SPOPL: variants seen among roughly 807,000 people sequenced by gnomAD.
SPOPL encodes speckle type BTB/POZ protein like.
A neutral mutation model predicts 53.8 loss-of-function variants in SPOPL; 23 were observed. The ratio of observed to expected loss-of-function variants is 0.43; its 90% CI spans 0.31 to 0.61. The LOEUF is 0.61. SPOPL is among the 20% of genes least tolerant of loss of function. The probability of loss-of-function intolerance (pLI) is 0.12; values close to 1 mark genes in which losing one functional copy is unlikely to be tolerated. For synonymous variants in SPOPL, 164 were observed against 149.7 expected, an observed-to-expected ratio of 1.10 and a Z score of -0.70; for missense variants, 442 against 466.9, an observed-to-expected ratio of 0.95 and a Z score of 0.49.
intron 1 of SPOPL, among the ~76,000 whole-genome samples, chr2:138,536,924 A>T (rs1015213743): frequency 1.3e-5 from 2 of 152,194 alleles, no homozygotes; most frequent in Non-Finnish European, 2.9e-5. Context: ...CTACTGTAGG[A>T]GCTGTGCTGG....
At chr2:138,565,038 G>A in intron 10 of SPOPL, 45 bp downstream of exon 10, 2 of 1,605,754 alleles carry the variant, frequency 1.2e-6, no homozygotes, top group South Asian at 2.2e-5. Flanking sequence ...CTACATAAGT[G>A]AGATTAAGTG....
chr2:138,517,817 C>T (rs1271395243), intron 1 of SPOPL, among the ~76,000 whole-genome samples: 8 of 151,426 alleles, frequency 5.3e-5, no homozygotes, highest in Admixed American at 3.3e-4. Flanking sequence ...GAGGCCGAGG[C>T]GGGCGGATCA....
In SPOPL at chr2:138,559,186, A is replaced by G. The variant is rs761537539; in HGVS notation, c.645A>G (p.Lys215=). ...GAGGACAAGAATTTAAAGCTCATAA[A>G]TCTGTGCTTGCAGGTACTTTCTAGT... is the stretch of plus-strand genomic sequence containing the variant. ...FVRGQEFKAH[K]SVLAARSPVF... Residue 215 remains lysine, a synonymous_variant, in exon 6 of 11, where the codon AAA becomes AAG. Transcript: ENST00000280098. 3.7e-6 allele frequency: 6 copies of G among 1,613,420 alleles called. No homozygotes were observed. Among genetic ancestry groups the G allele is most frequent in the Non-Finnish European group, 2.5e-6 (3 of 1,179,734 alleles).
At position 138,550,565 on chromosome 2, in the gene SPOPL, G is replaced by C; in HGVS notation, c.161G>C (p.Ser54Thr). The change falls in exon 3 of 11, where the codon AGT becomes ACT. Residue 54 changes from serine to threonine, a missense_variant. By Grantham distance (58) the Ser-to-Thr change is moderately conservative. Transcript: ENST00000280098. ...GAGGAAATGGGTGAAGTGTTAAAAA[G>C]TTCAACATTTTCATCTGGCCCAAGT... ...CREEMGEVLK[S>T]STFSSGPSDK... is the part of the protein sequence containing the mutation. The C allele has an allele frequency of 1.2e-6, 2 of 1,610,506 alleles. No homozygotes were observed. The highest frequency in any genetic ancestry group is 1.7e-6 in the Non-Finnish European group (2 of 1,177,364).
At chr2:138,537,764 A>G (rs1186602694) in intron 1 of SPOPL, among the ~76,000 whole-genome samples, 1 of 152,092 alleles carries the variant, frequency 6.6e-6, no homozygotes, top group African/African-American at 2.4e-5. Flanking sequence ...TCCTGGTTCA[A>G]AGACCACAGA....
intron 8 of SPOPL, among the ~76,000 whole-genome samples, chr2:138,561,538 T>C (rs1685549520): frequency 6.6e-6 from 1 of 152,184 alleles, no homozygotes; most frequent in Non-Finnish European, 1.5e-5. Context: ...TATGTGTCGA[T>C]GGATGGTATG....
In SPOPL at chr2:138,570,180, A is replaced by G. The variant is rs1685750757; in HGVS notation, c.*1100A>G. On this transcript the variant is annotated 3_prime_UTR_variant, in exon 11 of 11. Transcript: ENST00000280098. ...CACCTGAACAATAAATGAATCCTGG[A>G]TAGTCTACTCTCCTTCAAACAATTA... 10 of 152,132 alleles carry G rather than the reference A, an allele frequency of 6.6e-5. No homozygotes were observed. Among genetic ancestry groups the G allele is most frequent in the Admixed American group, 5.9e-4 (9 of 15,260 alleles). The allele number at this position is 152,132 out of a possible 1,614,324, so 9.4% of individuals were successfully genotyped here.
intron 1 of SPOPL, among the ~76,000 whole-genome samples, chr2:138,513,128 C>G (rs1327301833): frequency 1.3e-5 from 2 of 152,200 alleles, no homozygotes; most frequent in African/African-American, 4.8e-5. Flanking sequence ...TTTTCTCTTA[C>G]AAATGTTTTG....
At chr2:138,543,056 T>C (rs547802672) in intron 1 of SPOPL, among the ~76,000 whole-genome samples, 1 of 152,356 alleles carries the variant, frequency 6.6e-6, no homozygotes, top group Non-Finnish European at 1.5e-5. Flanking sequence ...TAATGTTGAA[T>C]ATTGGCCCCC....
intron 1 of SPOPL, among the ~76,000 whole-genome samples, chr2:138,521,051 A>G (rs992252526): frequency 2.0e-5 from 3 of 152,236 alleles, no homozygotes; most frequent in Admixed American, 1.3e-4. Flanking sequence ...ATTGTAAAAA[A>G]TGGTTTCCAG....
At chr2:138,510,678 TC>T (rs1245803851) in intron 1 of SPOPL, among the ~76,000 whole-genome samples, 4 of 152,198 alleles carry the variant, frequency 2.6e-5, no homozygotes, top group Non-Finnish European at 5.9e-5. Flanking sequence ...CCTGATAACT[TC>T]CTTCACATTA....
At chr2:138,509,814 TGTATA>T (rs958707187) in intron 1 of SPOPL, among the ~76,000 whole-genome samples, 4 of 152,318 alleles carry the variant, frequency 2.6e-5, no homozygotes, top group African/African-American at 9.6e-5. Flanking sequence ...TGGTTGGTAT[TGTATA>T]GTATATTCTA....
intron 1 of SPOPL, among the ~76,000 whole-genome samples, chr2:138,525,669 A>AC (rs1553468806): frequency 2.0e-5 from 3 of 147,336 alleles, no homozygotes; most frequent in Admixed American, 6.8e-5. Flanking sequence ...AAAAAAAAAA[A>AC]AAAAATACAC....
intron 1 of SPOPL, among the ~76,000 whole-genome samples, chr2:138,505,534 A>C (rs535631039): frequency 1.8e-4 from 26 of 146,094 alleles, no homozygotes; most frequent in African/African-American, 5.9e-4. Context: ...AGGTGGGCTT[A>C]TCACTTAAGG....
In SPOPL at chr2:138,521,274, A is replaced by G. The variant is rs570179119; in HGVS notation, c.-61+19155A>G. Among the ~76,000 whole-genome samples, 57 of 152,270 alleles carry G rather than the reference A, an allele frequency of 3.7e-4. 1 individual carries two copies. Among genetic ancestry groups the G allele is most frequent in the South Asian group, 3.7e-3 (18 of 4,828 alleles). Reference sequence around the variant, plus strand: ...CTTGCCTCCAGTTCTGTCTATAGCCAGAAGCTCAGTGATGTGCCAAAGAAT... The same window carrying G: ...CTTGCCTCCAGTTCTGTCTATAGCCGGAAGCTCAGTGATGTGCCAAAGAAT... On this transcript the variant is annotated intron_variant, in intron 1 of 10. Transcript: ENST00000280098.
chr2:138,544,204 T>C (rs1685138481), intron 1 of SPOPL, among the ~76,000 whole-genome samples: 2 of 152,336 alleles, frequency 1.3e-5, no homozygotes, highest in East Asian at 3.9e-4. Context: ...GGTGGCAGTC[T>C]GTCTGTTCTC....
In SPOPL at chr2:138,551,054, GGTAA is replaced by G. The variant is rs768581574; in HGVS notation, c.352+3_352+6del. The G allele has an allele frequency of 3.1e-6, 5 of 1,612,288 alleles. No individual in the cohort carries two copies. On this transcript the variant is annotated splice_donor_variant and splice_donor_region_variant and intron_variant, in intron 4 of 10. Coordinates refer to ENST00000280098, the MANE Select transcript of SPOPL (RefSeq NM_001001664.3). LOFTEE classifies it high-confidence loss of function. The stretch of plus-strand genomic sequence containing the variant: ...TAAAAGGGAAGAAACAAAAGCAATG[GGTAA>G]GTGATTTGCAAACTAAGTGAAGACA...
Position 138,517,276 on chromosome 2 carries a change from T to G in SPOPL, c.-61+15157T>G, listed in dbSNP as rs114640754. ...GATTTTTAGAGGTTGGCAGGAGTAT[T>G]GTGGAATCGATGCATATCTTTTAGA... On this transcript the variant is annotated intron_variant, in intron 1 of 10. Coordinates refer to ENST00000280098, the MANE Select transcript of SPOPL (RefSeq NM_001001664.3). Among the ~76,000 whole-genome samples the G allele has an allele frequency of 6.2e-3, 948 of 152,282 alleles. 11 individuals carry two copies. Among genetic ancestry groups the G allele is most frequent in the African/African-American group, 0.022 (910 of 41,540 alleles).
At chr2:138,535,270 T>C (rs958807586) in intron 1 of SPOPL, among the ~76,000 whole-genome samples, 5 of 152,242 alleles carry the variant, frequency 3.3e-5, no homozygotes, top group African/African-American at 1.2e-4. Flanking sequence ...GATTATTAGC[T>C]AGTAACCTTT....
Sources: gnomAD v4.1 joint callset for allele counts (sites outside exome capture counted in the v4.1 genomes callset) on GRCh38, gnomAD v4.1.1 for gene constraint, MANE v1.5 for transcripts, NCBI Gene and HGNC (gene_info 2026-07-23, HGNC 2026-07-21) for gene names.